Variants in LARGE1 observed in about 807,000 individuals in gnomAD.
The protein encoded by LARGE1 is xylosyl- and glucuronyltransferase LARGE1.
Under a neutral mutation model 87.6 loss-of-function variants are expected in LARGE1, and 43 were observed. The observed-to-expected ratio is 0.49, with a 90% confidence interval of 0.38 to 0.63. The LOEUF is 0.63. Among genes scored for constraint, LARGE1 ranks in the 30% least tolerant of loss-of-function variants. The pLI is 0.00. For synonymous variants in LARGE1, 434 were observed against 394.6 expected (o/e 1.10, Z -1.18); for missense variants, 802 against 1,000.2 (o/e 0.80, Z 2.67).
chr22:33,575,874 C>T (rs1463490268), intron 5 of LARGE1, among the ~76,000 whole-genome samples: 1 of 152,186 alleles, frequency 6.6e-6, no homozygotes, highest in African/African-American at 2.4e-5. Flanking sequence ...AAGAAGCATC[C>T]TCTATTTAGC....
intron 6 of LARGE1, among the ~76,000 whole-genome samples, chr22:33,451,103 C>T (rs1040607811): frequency 7.9e-5 from 12 of 152,146 alleles, no homozygotes; most frequent in African/African-American, 2.7e-4. Context: ...GCTACAATGG[C>T]CAGCTAGTGG....
downstream of LARGE1, among the ~76,000 whole-genome samples, chr22:33,161,792 G>C (rs375555323): frequency 6.6e-6 from 1 of 152,210 alleles, no homozygotes; most frequent in Non-Finnish European, 1.5e-5. Flanking sequence ...GGCATTGAGT[G>C]TCTGTGACTT....
chr22:33,906,215 G>A (rs1019237585), intron 1 of LARGE1, among the ~76,000 whole-genome samples: 12 of 152,152 alleles, frequency 7.9e-5, no homozygotes, highest in Admixed American at 5.2e-4. Context: ...TGGGAGAACC[G>A]TGGACCAGAC....
chr22:33,905,271 G>A (rs1004922304), intron 1 of LARGE1, among the ~76,000 whole-genome samples: 4 of 151,722 alleles, frequency 2.6e-5, no homozygotes, highest in South Asian at 2.1e-4. Flanking sequence ...GTTTCACTAC[G>A]TTGCCAGGGC....
chr22:33,602,453 T>C (rs979563634), intron 5 of LARGE1, among the ~76,000 whole-genome samples: 1 of 152,166 alleles, frequency 6.6e-6, no homozygotes, highest in Non-Finnish European at 1.5e-5. Flanking sequence ...CATAGCTCAC[T>C]GCAGTCTTGA....
intron 10 of LARGE1, among the ~76,000 whole-genome samples, chr22:33,321,676 T>G (rs566387656): frequency 6.6e-6 from 1 of 152,246 alleles, no homozygotes; most frequent in South Asian, 2.1e-4. Flanking sequence ...TGAGCGTGGG[T>G]AGGCAAATGT....
At chr22:33,838,693 G>C (rs1443984126) in intron 1 of LARGE1, among the ~76,000 whole-genome samples, 1 of 152,166 alleles carries the variant, frequency 6.6e-6, no homozygotes, top group African/African-American at 2.4e-5. Flanking sequence ...TTTGGCAGTA[G>C]ATCACCACTG....
chr22:33,857,511 T>G (rs775868380), intron 1 of LARGE1, among the ~76,000 whole-genome samples: 6 of 152,230 alleles, frequency 3.9e-5, no homozygotes, highest in Non-Finnish European at 5.9e-5. Flanking sequence ...ACTTAAATAT[T>G]TCTTATAGTT....
At chr22:33,799,799 A>G (rs1375572396) in intron 1 of LARGE1, among the ~76,000 whole-genome samples, 1 of 152,188 alleles carries the variant, frequency 6.6e-6, no homozygotes, top group Non-Finnish European at 1.5e-5. Flanking sequence ...ATATGGAGGA[A>G]GAAGACTTTG....
chr22:33,633,090 G>C (rs1306405331), intron 3 of LARGE1, among the ~76,000 whole-genome samples: 1 of 152,130 alleles, frequency 6.6e-6, no homozygotes. Flanking sequence ...TCATAACATT[G>C]ATGTTTTTAG....
At chr22:33,839,350 C>G (rs939909823) in intron 1 of LARGE1, among the ~76,000 whole-genome samples, 3 of 152,226 alleles carry the variant, frequency 2.0e-5, no homozygotes, top group Non-Finnish European at 4.4e-5. Flanking sequence ...CTAACCCATT[C>G]ATGAGGAATC....
At chr22:33,824,435 C>G (rs1356130709) in intron 1 of LARGE1, among the ~76,000 whole-genome samples, 8 of 152,186 alleles carry the variant, frequency 5.3e-5, no homozygotes, top group Non-Finnish European at 8.8e-5. Context: ...CTTGTGAGAA[C>G]TCATTCATTA....
intron 6 of LARGE1, among the ~76,000 whole-genome samples, chr22:33,482,060 G>A (rs2069352975): frequency 6.6e-6 from 1 of 152,068 alleles, no homozygotes; most frequent in African/African-American, 2.4e-5. Flanking sequence ...CCACAAACTA[G>A]CTCTTAAATC....
At chr22:33,188,812 G>C (rs1233623515) in intron 11 of LARGE1, among the ~76,000 whole-genome samples, 2 of 152,178 alleles carry the variant, frequency 1.3e-5, no homozygotes, top group Non-Finnish European at 2.9e-5. Context: ...TCTCATGTGA[G>C]GGGATCTGCC....
At chr22:33,112,680 T>C in the LARGE1 span, among the ~76,000 whole-genome samples, 1 of 152,142 alleles carries the variant, frequency 6.6e-6, no homozygotes, top group Non-Finnish European at 1.5e-5. Flanking sequence ...GTCAATGTGC[T>C]CTCTTGGTGA....
intron 5 of LARGE1, among the ~76,000 whole-genome samples, chr22:33,588,803 A>G (rs2078753751): frequency 6.6e-6 from 1 of 152,188 alleles, no homozygotes; most frequent in Non-Finnish European, 1.5e-5. Flanking sequence ...AAGGTGATTT[A>G]GAAACAAACC....
chr22:33,435,868 A>C (rs1269448521), intron 6 of LARGE1, among the ~76,000 whole-genome samples: 1 of 152,222 alleles, frequency 6.6e-6, no homozygotes, highest in African/African-American at 2.4e-5. Context: ...GATAGTTAGA[A>C]CTTTAATATC....
intron 11 of LARGE1, among the ~76,000 whole-genome samples, chr22:33,203,404 C>T (rs1360758721): frequency 6.6e-6 from 1 of 152,106 alleles, no homozygotes; most frequent in Non-Finnish European, 1.5e-5. Flanking sequence ...GGTGGGTGGA[C>T]ACTGCCACCC....
At chr22:33,766,360 T>C (rs536746719) in intron 1 of LARGE1, among the ~76,000 whole-genome samples, 3 of 152,170 alleles carry the variant, frequency 2.0e-5, no homozygotes, top group African/African-American at 2.4e-5. Flanking sequence ...TCGTCTCCCA[T>C]CTGTCTTAAC....
Sources: gnomAD v4.1 joint callset for allele counts (sites outside exome capture counted in the v4.1 genomes callset) on GRCh38, gnomAD v4.1.1 for gene constraint, MANE v1.5 for transcripts, NCBI Gene and HGNC (gene_info 2026-07-23, HGNC 2026-07-21) for gene names.